The following MRPS28 variants were observed in gnomAD, a reference collection of about 807,000 sequenced individuals.
MRPS28 encodes mitochondrial ribosomal protein S28.
In MRPS28, 7 loss-of-function variants were observed where a neutral mutation model predicts 10.8. The observed-to-expected ratio is 0.65, with a 90% CI of 0.37 to 1.22. The LOEUF is 1.22. Ranked by LOEUF, MRPS28 falls within the 50% of genes most tolerant of loss-of-function variation. MRPS28 has a pLI of 0.02. For missense variants in MRPS28, 265 were observed against 232.9 expected, an observed-to-expected ratio of 1.14 and a Z score of -0.90; for synonymous variants, 121 against 93.3, an observed-to-expected ratio of 1.30 and a Z score of -1.71.
chr8:79,970,125 A>G (rs1375728101), intron 2 of MRPS28, among the ~76,000 whole-genome samples: 1 of 152,210 alleles, frequency 6.6e-6, no homozygotes, highest in Non-Finnish European at 1.5e-5. Context: ...CATAAGGTGC[A>G]TATGGCTCCA....
At chr8:79,974,186 GAAGA>G (rs1807719713) in intron 2 of MRPS28, among the ~76,000 whole-genome samples, 1 of 152,056 alleles carries the variant, frequency 6.6e-6, no homozygotes. Flanking sequence ...ACAGTACACC[GAAGA>G]AAGAACAGTT....
rs1809538529 is a variant in MRPS28 at position 80,028,201 on chromosome 8, T to C, written c.213+1835A>G. ...GTTAACTCAGCAATTGAGAATTATT[T>C]TGGGGGGTTTCCGAAGGGGCTTAGA... On this transcript the variant is annotated intron_variant, in intron 1 of 2. Coordinates refer to ENST00000276585, the MANE Select transcript of MRPS28 (RefSeq NM_014018.3). 2.0e-5 allele frequency among the ~76,000 whole-genome samples: 3 copies of C among 152,196 alleles called. No individual in the cohort carries two copies. The South Asian group carries it at 6.2e-4, about 32-fold the overall frequency.
At chr8:79,978,247 G>A (rs1414323585) in intron 2 of MRPS28, among the ~76,000 whole-genome samples, 1 of 152,146 alleles carries the variant, frequency 6.6e-6, no homozygotes, top group Non-Finnish European at 1.5e-5. Context: ...GGGCTAAGGT[G>A]AACTAGGCTT....
intron 1 of MRPS28, among the ~76,000 whole-genome samples, chr8:80,024,658 T>C (rs1262059735): frequency 6.6e-6 from 1 of 152,246 alleles, no homozygotes; most frequent in African/African-American, 2.4e-5. Context: ...CCATCTGAGA[T>C]GCTATTTTTC....
intron 1 of MRPS28, among the ~76,000 whole-genome samples, chr8:80,022,460 C>T (rs901170795): frequency 6.6e-6 from 1 of 152,146 alleles, no homozygotes; most frequent in African/African-American, 2.4e-5. Flanking sequence ...TCTCAGTGTA[C>T]ATTTATGTCC....
At chr8:79,931,780 G>A (rs1017303076) in intron 2 of MRPS28, among the ~76,000 whole-genome samples, 2 of 152,312 alleles carry the variant, frequency 1.3e-5, no homozygotes, top group East Asian at 1.9e-4. Flanking sequence ...ACTAGCAGGA[G>A]GACTGTCTAT....
chr8:79,970,829 CT>C (rs1387021767), intron 2 of MRPS28, among the ~76,000 whole-genome samples: 2 of 152,146 alleles, frequency 1.3e-5, no homozygotes. Flanking sequence ...TGGTTATTTG[CT>C]GAGATGCTCT....
chr8:79,971,747 G>C (rs1252819843), intron 2 of MRPS28, among the ~76,000 whole-genome samples: 1 of 152,116 alleles, frequency 6.6e-6, no homozygotes, highest in African/African-American at 2.4e-5. Flanking sequence ...ACCCAGGCTG[G>C]AGTGCAGTGG....
At chr8:79,953,736 C>T (rs978417767) in intron 2 of MRPS28, among the ~76,000 whole-genome samples, 5 of 152,106 alleles carry the variant, frequency 3.3e-5, no homozygotes, top group Non-Finnish European at 7.4e-5. Flanking sequence ...GTTCATCAAG[C>T]TTCCACAAAA....
intron 2 of MRPS28, among the ~76,000 whole-genome samples, chr8:79,919,926 T>A (rs1392282302): frequency 1.5e-5 from 2 of 132,400 alleles, no homozygotes; most frequent in Admixed American, 7.8e-5. Context: ...TAGGTATATC[T>A]CCTAATGCTA....
In MRPS28 at chr8:79,918,862, T is replaced by C. The variant is rs1287132416; in HGVS notation, c.*118A>G. The C allele has an allele frequency of 6.3e-6, 5 of 797,550 alleles. No homozygotes were observed. The highest frequency in any genetic ancestry group is 1.8e-5 in the African/African-American group (1 of 56,012). 49.4% of individuals were successfully genotyped at this position (797,550 alleles called of 1,614,324 possible). Reference sequence around the variant, plus strand: ...AGAAAATTCTAATAAGAGTTATCTATAATTATAGCTTTTATTTATTATATC... The same window carrying C: ...AGAAAATTCTAATAAGAGTTATCTACAATTATAGCTTTTATTTATTATATC... On this transcript the variant is annotated 3_prime_UTR_variant, in exon 3 of 3. Transcript: ENST00000276585.
rs1049307555 is a variant in MRPS28, at chr8:79,921,266, G to A, written c.396-2118C>T. Among the ~76,000 whole-genome samples the A allele has an allele frequency of 3.2e-4, 49 of 151,528 alleles. 1 individual carries two copies. Among genetic ancestry groups the A allele is most frequent in the African/African-American group, 9.0e-4 (37 of 41,226 alleles). ...TCTTTTGGCTTAGGATTGACTTGGC[G>A]ATGTGGGCTCTTTTTTGGTTCCATA... is the stretch of plus-strand genomic sequence containing the variant. On this transcript the variant is annotated intron_variant, in intron 2 of 2. Transcript: ENST00000276585.
intron 1 of MRPS28, among the ~76,000 whole-genome samples, chr8:80,018,157 G>A (rs1586100171): frequency 6.6e-6 from 1 of 151,948 alleles, no homozygotes; most frequent in East Asian, 1.9e-4. Context: ...GCAGGGCATG[G>A]TGGCAGGCGC....
chr8:79,961,141 T>C (rs1807362862), intron 2 of MRPS28, among the ~76,000 whole-genome samples: 1 of 152,214 alleles, frequency 6.6e-6, no homozygotes, highest in South Asian at 2.1e-4. Flanking sequence ...AGCTGAACGA[T>C]GAGAGGAACA....
chr8:80,022,859 C>T (rs909735622), intron 1 of MRPS28, among the ~76,000 whole-genome samples: 2 of 152,124 alleles, frequency 1.3e-5, no homozygotes, highest in Non-Finnish European at 2.9e-5. Flanking sequence ...ATGAGAGTTA[C>T]GATCTCCAAA....
chr8:79,998,953 T>C (rs1808582852), intron 2 of MRPS28, among the ~76,000 whole-genome samples: 1 of 152,234 alleles, frequency 6.6e-6, no homozygotes, highest in South Asian at 2.1e-4. Context: ...GATATTTCAA[T>C]TAGTTATTTT....
chr8:79,999,296 AAAC>A (rs1014230282), intron 2 of MRPS28, among the ~76,000 whole-genome samples: 3 of 152,252 alleles, frequency 2.0e-5, no homozygotes, highest in African/African-American at 7.2e-5. Flanking sequence ...GGAAGACCAC[AAAC>A]AACTGAGCTG....
intron 2 of MRPS28, among the ~76,000 whole-genome samples, chr8:79,936,351 A>C (rs559208514): frequency 8.0e-4 from 121 of 150,374 alleles, no homozygotes; most frequent in African/African-American, 2.7e-3. Flanking sequence ...AATAAGATAA[A>C]AATAAAAATT....
At chr8:79,939,134 C>G (rs369161382) in intron 2 of MRPS28, among the ~76,000 whole-genome samples, 7 of 152,308 alleles carry the variant, frequency 4.6e-5, no homozygotes, top group South Asian at 4.1e-4. Context: ...TAATGATTTT[C>G]ATCCTTCCCT....
Sources: gnomAD v4.1 joint callset for allele counts (sites outside exome capture counted in the v4.1 genomes callset) on GRCh38, gnomAD v4.1.1 for gene constraint, MANE v1.5 for transcripts, NCBI Gene and HGNC (gene_info 2026-07-23, HGNC 2026-07-21) for gene names.